Variants in RANBP2 observed in about 807,000 individuals in gnomAD.
RANBP2 encodes E3 SUMO-protein ligase RanBP2.
In RANBP2, 57 loss-of-function variants were observed where a neutral mutation model predicts 303.6. The observed-to-expected ratio is 0.19, with a 90% CI of 0.15 to 0.23. RANBP2 has a LOEUF of 0.23. Among genes scored for constraint, RANBP2 ranks in the 10% least tolerant of loss-of-function variants. RANBP2 has a pLI of 1.00. For missense variants in RANBP2, 3,138 were observed against 3,780.8 expected, an observed-to-expected ratio of 0.83 and a Z score of 4.46; for synonymous variants, 1,167 against 1,301.5, an observed-to-expected ratio of 0.90 and a Z score of 2.23.
At chr2:108,933,892 G>A in the RANBP2 span, among the ~76,000 whole-genome samples, 3 of 152,114 alleles carry the variant, frequency 2.0e-5, no homozygotes, top group African/African-American at 7.2e-5. Flanking sequence ...CCTGGACTTG[G>A]CTTCAGGATG....
the RANBP2 span, among the ~76,000 whole-genome samples, chr2:109,399,160 C>T: frequency 4.6e-5 from 7 of 152,166 alleles, no homozygotes; most frequent in South Asian, 2.1e-4. Context: ...AAGATGGCCT[C>T]GTGGTGTGTG....
At chr2:109,375,101 G>C in the RANBP2 span, among the ~76,000 whole-genome samples, 2,921 of 152,136 alleles carry the variant, frequency 0.019, 94 homozygotes, top group African/African-American at 0.061. Context: ...AGAAATAATC[G>C]TCTCTCCACA....
the RANBP2 span, among the ~76,000 whole-genome samples, chr2:109,602,512 C>T: frequency 4.9e-4 from 74 of 152,032 alleles, no homozygotes; most frequent in South Asian, 1.2e-3. Context: ...CCCATCTCTA[C>T]TAAAAGTACA....
At chr2:109,413,015 C>A in the RANBP2 span, among the ~76,000 whole-genome samples, 1 of 152,252 alleles carries the variant, frequency 6.6e-6, no homozygotes, top group Non-Finnish European at 1.5e-5. Flanking sequence ...GCCAGCCCCA[C>A]ACCCTGGAAC....
chr2:108,976,177 C>T, the RANBP2 span, among the ~76,000 whole-genome samples: 1 of 152,204 alleles, frequency 6.6e-6, no homozygotes, highest in Non-Finnish European at 1.5e-5. Context: ...TTAATCATCA[C>T]ACATCCTTAG....
Position 108,748,947 on chromosome 2 carries a change from G to T in RANBP2, c.1091G>T (p.Gly364Val), listed in dbSNP as rs1423709577. The T allele has an allele frequency of 1.2e-6, 2 of 1,611,918 alleles. No homozygotes were observed. The highest frequency in any genetic ancestry group is 1.7e-6 in the Non-Finnish European group (2 of 1,179,852). The change falls in exon 9 of 29, where the codon GGC becomes GTC. Residue 364 changes from glycine (G) to valine (V), a missense_variant. Physicochemically the swap from Gly to Val is moderately radical, Grantham distance 109. Around this residue, in one of 20 missense-constraint regions of RANBP2, gnomAD observed 95 missense variants for 86.4 expected, o/e 1.10. Transcript: ENST00000283195. ...CACATGTTGCTAAACTTAAGTCGTG[G>T]CAAGCAAGATTTTTTAAAAGAGATT... ...SGHMLLNLSR[G>V]KQDFLKEIVE... is the part of the protein sequence containing the mutation.
At chr2:109,656,559 C>T in the RANBP2 span, among the ~76,000 whole-genome samples, 6 of 152,274 alleles carry the variant, frequency 3.9e-5, no homozygotes, top group African/African-American at 9.6e-5. Context: ...AGGCTGGTCT[C>T]GAACTTCCAA....
At chr2:109,558,931 G>T in the RANBP2 span, among the ~76,000 whole-genome samples, 1 of 151,796 alleles carries the variant, frequency 6.6e-6, no homozygotes, top group African/African-American at 2.4e-5. Context: ...TGTTGCCCAG[G>T]CTGGAGTGCA....
the RANBP2 span, among the ~76,000 whole-genome samples, chr2:109,183,309 TC>T: frequency 0.49 from 74,361 of 152,000 alleles, 19,246 homozygotes; most frequent in South Asian, 0.61. Flanking sequence ...GCTTTCGTGT[TC>T]TTAATAAAGT....
At chr2:109,398,654 G>T in the RANBP2 span, 1 of 1,605,058 alleles carries the variant, frequency 6.2e-7, no homozygotes, top group Admixed American at 1.7e-5. Context: ...GCATCCAGCT[G>T]CAATGCCTCC....
chr2:109,667,070 G>A, the RANBP2 span: 1 of 692,390 alleles, frequency 1.4e-6, no homozygotes, highest in East Asian at 3.3e-5. Context: ...GGTTTTGTGG[G>A]TTTCAAATAC....
In RANBP2 at chr2:108,725,319, A is replaced by G. The variant is rs552573532; in HGVS notation, c.73-3813A>G. Among the ~76,000 whole-genome samples, 8 of 152,386 alleles carry G rather than the reference A, an allele frequency of 5.2e-5. 1 individual carries two copies. The highest frequency in any genetic ancestry group is 4.1e-4 in the South Asian group (2 of 4,832). On this transcript the variant is annotated intron_variant, in intron 1 of 28. Transcript: ENST00000283195. ...CTTGTAAAGTGAGCAGGTTAGAGGC[A>G]AAAGATCATATAGAAGAATAATTTG...
chr2:109,006,057 T>C, the RANBP2 span, among the ~76,000 whole-genome samples: 2 of 152,138 alleles, frequency 1.3e-5, no homozygotes, highest in Non-Finnish European at 1.5e-5. Flanking sequence ...GTGGGTTCCA[T>C]TGGCCCACCG....
the RANBP2 span, among the ~76,000 whole-genome samples, chr2:109,224,990 A>G: frequency 6.6e-6 from 1 of 152,344 alleles, no homozygotes; most frequent in South Asian, 2.1e-4. Flanking sequence ...CTTATTTTAA[A>G]AAGAATTTTG....
the RANBP2 span, among the ~76,000 whole-genome samples, chr2:108,865,802 G>A: frequency 6.6e-6 from 1 of 152,136 alleles, no homozygotes; most frequent in South Asian, 2.1e-4. Context: ...CTTACTCCGT[G>A]ATGAGCCAGA....
the RANBP2 span, among the ~76,000 whole-genome samples, chr2:109,648,280 C>G: frequency 1.3e-5 from 2 of 152,164 alleles, no homozygotes; most frequent in Non-Finnish European, 1.5e-5. Context: ...TGCAGCCTGG[C>G]AGGGATCTGT....
the RANBP2 span, among the ~76,000 whole-genome samples, chr2:108,796,675 T>C: frequency 6.6e-6 from 1 of 152,122 alleles, no homozygotes; most frequent in Non-Finnish European, 1.5e-5. Context: ...GACAGCAGCA[T>C]AGATAGAATT....
At chr2:109,734,336 A>G in the RANBP2 span, among the ~76,000 whole-genome samples, 1 of 152,170 alleles carries the variant, frequency 6.6e-6, no homozygotes, top group Non-Finnish European at 1.5e-5. Context: ...TCAACACACA[A>G]AAACAAATTT....
chr2:109,614,900 A>C, the RANBP2 span: 1 of 1,441,578 alleles, frequency 6.9e-7, no homozygotes, highest in Non-Finnish European at 9.0e-7. Context: ...TGGGCGAGGG[A>C]GAGCCCCCCG....
Sources: allele counts gnomAD v4.1 joint callset (sites outside exome capture counted in the v4.1 genomes callset), GRCh38; gene constraint gnomAD v4.1.1; regional missense constraint gnomAD v4.1.1; transcripts MANE v1.5; gene names NCBI Gene and HGNC (gene_info 2026-07-23, HGNC 2026-07-21).